AGBL4: variants seen among roughly 807,000 people sequenced by gnomAD.
The protein encoded by AGBL4 is cytosolic carboxypeptidase 6.
Under a neutral mutation model 66.4 loss-of-function variants are expected in AGBL4, and 58 were observed. The observed-to-expected ratio is 0.87, with a 90% CI of 0.71 to 1.09. AGBL4 has a LOEUF of 1.09. Ranked by LOEUF, AGBL4 falls within the 50% of genes least tolerant of loss-of-function variation. The probability of loss-of-function intolerance (pLI) is 0.00; values close to 1 mark genes in which losing one functional copy is unlikely to be tolerated. For missense variants in AGBL4, 579 were observed against 631.0 expected, an observed-to-expected ratio of 0.92 and a Z score of 0.88; for synonymous variants, 234 against 222.9, an observed-to-expected ratio of 1.05 and a Z score of -0.44.
intron 6 of AGBL4, among the ~76,000 whole-genome samples, chr1:48,794,437 AGAAGT>A (rs1484536075): frequency 6.6e-6 from 1 of 152,148 alleles, no homozygotes; most frequent in Non-Finnish European, 1.5e-5. Flanking sequence ...CTGGGAAAGC[AGAAGT>A]TTTTGGAAGA....
intron 3 of AGBL4, among the ~76,000 whole-genome samples, chr1:49,644,236 A>C (rs1243072664): frequency 1.3e-5 from 2 of 151,750 alleles, no homozygotes; most frequent in East Asian, 3.8e-4. Context: ...GACAAGATGG[A>C]ATCAACAAAA....
intron 3 of AGBL4, among the ~76,000 whole-genome samples, chr1:49,246,176 T>C (rs1003228712): frequency 2.6e-5 from 4 of 151,950 alleles, no homozygotes; most frequent in Non-Finnish European, 5.9e-5. Flanking sequence ...ATAATAACAG[T>C]ACCTACTTCA....
chr1:48,565,759 A>C (rs1393244704), intron 11 of AGBL4, among the ~76,000 whole-genome samples: 1 of 152,178 alleles, frequency 6.6e-6, no homozygotes, highest in Non-Finnish European at 1.5e-5. Context: ...GAGAACAATA[A>C]TCTCTGTCTT....
intron 4 of AGBL4, among the ~76,000 whole-genome samples, chr1:49,121,111 C>T (rs956911560): frequency 6.6e-6 from 1 of 152,112 alleles, no homozygotes; most frequent in African/African-American, 2.4e-5. Context: ...TTTGCCTAAC[C>T]TATTTTCAAG....
intron 3 of AGBL4, among the ~76,000 whole-genome samples, chr1:49,405,729 C>G (rs1234117613): frequency 6.6e-6 from 1 of 152,142 alleles, no homozygotes; most frequent in African/African-American, 2.4e-5. Flanking sequence ...ATTTTGGCCT[C>G]AGATCTACGT....
chr1:49,554,982 A>C (rs1005458371), intron 3 of AGBL4, among the ~76,000 whole-genome samples: 1 of 152,170 alleles, frequency 6.6e-6, no homozygotes, highest in African/African-American at 2.4e-5. Flanking sequence ...CACGGACCCA[A>C]AGAGTGAGCA....
intron 2 of AGBL4, among the ~76,000 whole-genome samples, chr1:49,758,196 C>A (rs1300914820): frequency 6.6e-6 from 1 of 152,164 alleles, no homozygotes; most frequent in African/African-American, 2.4e-5. Flanking sequence ...AAGTCAAGAA[C>A]TGAGCATTGG....
chr1:48,926,238 C>T (rs1654550096), intron 5 of AGBL4, among the ~76,000 whole-genome samples: 1 of 133,902 alleles, frequency 7.5e-6, no homozygotes, highest in Admixed American at 7.6e-5. Flanking sequence ...CTTTGCATGA[C>T]CATGAATTAT....
At chr1:48,871,132 A>T (rs1648611495) in intron 5 of AGBL4, among the ~76,000 whole-genome samples, 1 of 152,164 alleles carries the variant, frequency 6.6e-6, no homozygotes, top group South Asian at 2.1e-4. Flanking sequence ...CCATATACAG[A>T]GAGGGGCATG....
At chr1:49,431,835 A>G (rs1448054297) in intron 3 of AGBL4, among the ~76,000 whole-genome samples, 2 of 152,194 alleles carry the variant, frequency 1.3e-5, no homozygotes, top group African/African-American at 4.8e-5. Context: ...GATAAAAATC[A>G]CTGGTAATAC....
At chr1:48,812,691 C>G (rs1211991639) in intron 6 of AGBL4, among the ~76,000 whole-genome samples, 1 of 152,128 alleles carries the variant, frequency 6.6e-6, no homozygotes, top group Non-Finnish European at 1.5e-5. Flanking sequence ...TTCACAACAG[C>G]AAAGACTTGG....
chr1:49,397,791 C>T (rs77728486), intron 3 of AGBL4, among the ~76,000 whole-genome samples: 8,039 of 152,140 alleles, frequency 0.053, 237 homozygotes, highest in African/African-American at 0.07. Flanking sequence ...AACTTCCTTA[C>T]AAATTTCGTT....
chr1:49,448,968 A>G (rs185339871), intron 3 of AGBL4, among the ~76,000 whole-genome samples: 1 of 152,034 alleles, frequency 6.6e-6, no homozygotes, highest in African/African-American at 2.4e-5. Flanking sequence ...TATGAAACTG[A>G]TAACTATTTA....
intron 11 of AGBL4, among the ~76,000 whole-genome samples, chr1:48,558,350 CTTGTT>C (rs1037906523): frequency 2.4e-4 from 37 of 152,166 alleles, no homozygotes; most frequent in Non-Finnish European, 4.9e-4. Context: ...CTTGCTTTGT[CTTGTT>C]TTATTTTCCT....
intron 5 of AGBL4, among the ~76,000 whole-genome samples, chr1:48,891,485 A>G (rs1231389035): frequency 6.6e-6 from 1 of 152,224 alleles, no homozygotes. Context: ...CCTGGCATCA[A>G]GAAGCCCCCA....
chr1:48,767,039 T>C (rs956933100), intron 6 of AGBL4, among the ~76,000 whole-genome samples: 1 of 152,222 alleles, frequency 6.6e-6, no homozygotes, highest in Non-Finnish European at 1.5e-5. Context: ...AAGGTATAGA[T>C]ACCTCACATC....
chr1:49,024,716 G>A (rs957721032), intron 5 of AGBL4, among the ~76,000 whole-genome samples: 1 of 152,038 alleles, frequency 6.6e-6, no homozygotes, highest in African/African-American at 2.4e-5. Flanking sequence ...GTATGCCTTC[G>A]GGGAGCTTGG....
chr1:48,642,653 A>C (rs147159035), intron 8 of AGBL4, among the ~76,000 whole-genome samples: 3 of 152,158 alleles, frequency 2.0e-5, no homozygotes, highest in African/African-American at 7.2e-5. Flanking sequence ...TTCCAGAACC[A>C]AAAGATTATT....
intron 4 of AGBL4, among the ~76,000 whole-genome samples, chr1:49,136,870 TA>T (rs1357348462): frequency 5.9e-5 from 9 of 152,150 alleles, no homozygotes; most frequent in Non-Finnish European, 1.3e-4. Context: ...TTGTTCTATT[TA>T]GCTACAAAAA....
Sources: allele counts gnomAD v4.1 joint callset (sites outside exome capture counted in the v4.1 genomes callset), GRCh38; gene constraint gnomAD v4.1.1; transcripts MANE v1.5; gene names NCBI Gene and HGNC (gene_info 2026-07-23, HGNC 2026-07-21).